TRAM1: variants seen among roughly 807,000 people sequenced by gnomAD.
TRAM1 encodes translocation associated membrane protein 1, also known as translocating chain-associated membrane protein 1.
TRAM1 carries 17 observed loss-of-function variants against 48.7 expected under a neutral mutation model. The ratio of observed to expected loss-of-function variants is 0.35; its 90% CI spans 0.24 to 0.52. TRAM1 has a LOEUF of 0.52. TRAM1 is among the 20% of genes least tolerant of loss of function. The probability of loss-of-function intolerance (pLI) is 0.94; values close to 1 mark genes in which losing one functional copy is unlikely to be tolerated. For synonymous variants in TRAM1, 182 were observed against 154.0 expected (o/e 1.18, Z -1.34); for missense variants, 351 against 441.5 (o/e 0.79, Z 1.84).
At chr8:70,582,649 C>T (rs1202647012) in intron 10 of TRAM1, among the ~76,000 whole-genome samples, 1 of 151,720 alleles carries the variant, frequency 6.6e-6, no homozygotes, top group Non-Finnish European at 1.5e-5. Flanking sequence ...ACCACATACA[C>T]ACTGAAAAAA....
At chr8:70,575,086 G>A in intron 10 of TRAM1, 81 bp from the exon 11 acceptor site, 2 of 1,012,690 alleles carry the variant, frequency 2.0e-6, no homozygotes, top group East Asian at 5.4e-5. Flanking sequence ...GATACCTTCA[G>A]AAAAGAAAAT....
At chr8:70,576,979 G>A (rs1003644023) in intron 10 of TRAM1, among the ~76,000 whole-genome samples, 3 of 152,214 alleles carry the variant, frequency 2.0e-5, no homozygotes, top group Admixed American at 2.0e-4. Context: ...GCACTGATAT[G>A]CCTGCTCAGG....
At chr8:70,579,400 T>TA (rs1373566225) in intron 10 of TRAM1, among the ~76,000 whole-genome samples, 1 of 152,194 alleles carries the variant, frequency 6.6e-6, no homozygotes, top group Non-Finnish European at 1.5e-5. Context: ...TGTATACACA[T>TA]ATGTTGTACA....
At chr8:70,607,103 C>A in intron 1 of TRAM1, 1 of 971,904 alleles carries the variant, frequency 1.0e-6, no homozygotes, top group Non-Finnish European at 1.2e-6. Context: ...ATAAAGGCTC[C>A]AGAGAAAAAT....
At chr8:70,588,803 A>G (rs535795034) in intron 6 of TRAM1, among the ~76,000 whole-genome samples, 1 of 152,320 alleles carries the variant, frequency 6.6e-6, no homozygotes, top group African/African-American at 2.4e-5. Context: ...CCTCATTTCT[A>G]ATTTCCTTTG....
intron 5 of TRAM1, 96 bp from the exon 6 acceptor site, chr8:70,594,686 A>G: frequency 1.1e-6 from 1 of 912,540 alleles, no homozygotes. Context: ...CTAAGTAACT[A>G]CCTTTGTGTC....
intron 6 of TRAM1, among the ~76,000 whole-genome samples, chr8:70,593,253 G>A (rs138050428): frequency 1.3e-5 from 2 of 151,944 alleles, no homozygotes; most frequent in African/African-American, 2.4e-5. Context: ...ACACAGACAC[G>A]AAACAGTAGG....
intron 6 of TRAM1, among the ~76,000 whole-genome samples, chr8:70,592,232 G>T (rs978118855): frequency 2.6e-5 from 4 of 152,106 alleles, no homozygotes; most frequent in Admixed American, 2.0e-4. Context: ...TGTAATTTAA[G>T]TTTTATCTTT....
rs367739631 is a variant in TRAM1, at chr8:70,585,986, C to A, written c.746+909G>T. 4.7e-5 allele frequency among the ~76,000 whole-genome samples: 7 copies of A among 150,532 alleles called. No individual in the cohort carries two copies. In the East Asian group the frequency reaches 7.8e-4, roughly 17 times the overall value. ...GACACATGCACACGTATGTTTATTG[C>A]GGCACTATTCACAATAGCAAAGACT... On this transcript the variant is annotated intron_variant, in intron 8 of 10. Transcript: ENST00000262213.
At chr8:70,592,321 T>C (rs930265816) in intron 6 of TRAM1, among the ~76,000 whole-genome samples, 3 of 152,202 alleles carry the variant, frequency 2.0e-5, no homozygotes, top group Admixed American at 6.5e-5. Context: ...TATTTGTCTG[T>C]ATGATTGGTT....
chr8:70,598,801 G>C (rs1817543197), intron 2 of TRAM1, among the ~76,000 whole-genome samples: 1 of 152,136 alleles, frequency 6.6e-6, no homozygotes, highest in Non-Finnish European at 1.5e-5. Context: ...TCAAATACTT[G>C]TGAATTGCTG....
intron 1 of TRAM1, among the ~76,000 whole-genome samples, chr8:70,600,970 T>C (rs1041326314): frequency 1.3e-5 from 2 of 152,168 alleles, no homozygotes; most frequent in African/African-American, 2.4e-5. Context: ...CAGGAAGCGT[T>C]AGAAAAGACT....
chr8:70,607,440 A>G, intron 1 of TRAM1: 1 of 985,482 alleles, frequency 1.0e-6, no homozygotes, highest in African/African-American at 1.7e-5. Flanking sequence ...AATGAAAACA[A>G]TCTGGCGCGC....
chr8:70,607,311 A>G (rs1817759800), intron 1 of TRAM1: 1 of 985,290 alleles, frequency 1.0e-6, no homozygotes, highest in Non-Finnish European at 1.2e-6. Context: ...AAGAAACAAA[A>G]TTACTCGATT....
chr8:70,577,217 T>C (rs950523420), intron 10 of TRAM1, among the ~76,000 whole-genome samples: 3 of 152,084 alleles, frequency 2.0e-5, no homozygotes, highest in Non-Finnish European at 4.4e-5. Flanking sequence ...TGTGGGTCTG[T>C]AGGCACCCCT....
rs770432117 is a variant in TRAM1, at chr8:70,586,929, G to T, written c.712C>A (p.Leu238Met). Residue 238 changes from leucine (L) to methionine (M), a missense_variant, in exon 8 of 11, where the codon CTG becomes ATG. Leu to Met is a conservative substitution (Grantham distance 15, BLOSUM62 2). Coordinates refer to ENST00000262213, the MANE Select transcript of TRAM1 (RefSeq NM_014294.6). ...TACTTTTCATTGCTAAAATAAAACA[G>T]GCGGGAAATGTGGAAAAGAAATTCA... Reference protein sequence around the residue: ...FVEFLFHISRLFYFSNEKYQK... With the variant: ...FVEFLFHISRMFYFSNEKYQK... The T allele has an allele frequency of 6.2e-7, 1 of 1,613,860 alleles. No individual in the cohort carries two copies. The highest frequency in any genetic ancestry group is 1.7e-5 in the Admixed American group (1 of 59,938).
intron 10 of TRAM1, among the ~76,000 whole-genome samples, chr8:70,579,483 T>C (rs955114899): frequency 5.3e-5 from 8 of 152,350 alleles, no homozygotes; most frequent in South Asian, 2.1e-4. Context: ...CAGGCATCCA[T>C]TGGGGGTTTT....
At position 70,580,608 on chromosome 8, in the gene TRAM1, G is replaced by C. The variant is rs537528080; in HGVS notation, c.1051+2556C>G. The stretch of plus-strand genomic sequence containing the variant: ...GCTAACATCATACTTAATGGTAAAA[G>C]ACTGGATGGATGCCTACCCCTAAGA... On this transcript the variant is annotated intron_variant, in intron 10 of 10. Transcript: ENST00000262213. 2.0e-5 allele frequency among the ~76,000 whole-genome samples: 3 copies of C among 152,232 alleles called. No homozygotes were observed. The East Asian group carries it at 5.8e-4, about 29-fold the overall frequency.
chr8:70,582,453 C>T (rs530872087), intron 10 of TRAM1, among the ~76,000 whole-genome samples: 1 of 149,874 alleles, frequency 6.7e-6, no homozygotes, highest in Non-Finnish European at 1.5e-5. Context: ...CCCACTGCAC[C>T]TAGATCAAGT....
Sources: allele counts gnomAD v4.1 joint callset (sites outside exome capture counted in the v4.1 genomes callset), GRCh38; gene constraint gnomAD v4.1.1; transcripts MANE v1.5; gene names NCBI Gene and HGNC (gene_info 2026-07-23, HGNC 2026-07-21).